STXBP5L: variants seen among roughly 807,000 people sequenced by gnomAD.
STXBP5L encodes syntaxin binding protein 5L, also known as syntaxin-binding protein 5-like.
STXBP5L carries 65 observed loss-of-function variants against 144.5 expected under a neutral mutation model. The ratio of observed to expected loss-of-function variants is 0.45; its 90% CI spans 0.37 to 0.55. The LOEUF is 0.55. STXBP5L is among the 20% of genes least tolerant of loss of function. The pLI, the probability that STXBP5L is intolerant of heterozygous loss-of-function variation, is 0.00. For synonymous variants in STXBP5L, 505 were observed against 469.6 expected, an observed-to-expected ratio of 1.08 and a Z score of -0.97; for missense variants, 1,298 against 1,405.5, an observed-to-expected ratio of 0.92 and a Z score of 1.22.
chr3:121,284,530 C>A (rs2051166694), intron 19 of STXBP5L, among the ~76,000 whole-genome samples: 2 of 152,062 alleles, frequency 1.3e-5, no homozygotes, highest in Non-Finnish European at 2.9e-5. Flanking sequence ...TTTCCAAATG[C>A]ATGACAAGAA....
At chr3:120,959,572 G>C (rs12495187) in intron 3 of STXBP5L, among the ~76,000 whole-genome samples, 3 of 152,038 alleles carry the variant, frequency 2.0e-5, no homozygotes, top group Non-Finnish European at 4.4e-5. Context: ...CAATGGAACA[G>C]AACAGAGGCC....
intron 2 of STXBP5L, among the ~76,000 whole-genome samples, chr3:120,940,634 G>T (rs1246794099): frequency 4.0e-5 from 5 of 124,740 alleles, no homozygotes; most frequent in African/African-American, 1.2e-4. Context: ...AGTCCTAGGG[G>T]TGGAAAAAAA....
chr3:121,362,241 T>A (rs2045732795), intron 20 of STXBP5L, among the ~76,000 whole-genome samples: 1 of 152,236 alleles, frequency 6.6e-6, no homozygotes, highest in South Asian at 2.1e-4. Context: ...GACCTAAATT[T>A]AGTGTAGCAC....
At chr3:121,060,372 G>A (rs144680620) in intron 5 of STXBP5L, among the ~76,000 whole-genome samples, 26 of 152,240 alleles carry the variant, frequency 1.7e-4, no homozygotes, top group Middle Eastern at 3.4e-3. Context: ...GACTTGGTTT[G>A]TCAGTATTTT....
intron 2 of STXBP5L, among the ~76,000 whole-genome samples, chr3:120,943,811 T>TTTC (rs916990315): frequency 2.0e-5 from 3 of 151,464 alleles, no homozygotes; most frequent in African/African-American, 4.8e-5. Context: ...AAACAACTGT[T>TTTC]TTCTTCTTCT....
intron 3 of STXBP5L, among the ~76,000 whole-genome samples, chr3:120,988,228 G>T (rs1325955848): frequency 6.6e-6 from 1 of 150,682 alleles, no homozygotes; most frequent in South Asian, 2.1e-4. Flanking sequence ...TTGGTGCTCT[G>T]TCTTTTGTAA....
chr3:121,211,455 C>T (rs934092184), intron 10 of STXBP5L, among the ~76,000 whole-genome samples: 18 of 152,078 alleles, frequency 1.2e-4, no homozygotes, highest in Non-Finnish European at 7.4e-5. Flanking sequence ...TCAGAACCTC[C>T]AACACTATGT....
At chr3:121,262,358 A>C (rs953450376) in intron 18 of STXBP5L, among the ~76,000 whole-genome samples, 1 of 152,238 alleles carries the variant, frequency 6.6e-6, no homozygotes, top group Non-Finnish European at 1.5e-5. Flanking sequence ...GGCTGGATGT[A>C]GTGGCTTACG....
At chr3:121,029,760 G>A (rs937724174) in intron 3 of STXBP5L, among the ~76,000 whole-genome samples, 7 of 151,720 alleles carry the variant, frequency 4.6e-5, no homozygotes, top group African/African-American at 1.7e-4. Flanking sequence ...CAGAATGGGA[G>A]AATTTTTTTT....
intron 5 of STXBP5L, among the ~76,000 whole-genome samples, chr3:121,087,492 C>T (rs1343898370): frequency 1.3e-5 from 2 of 151,840 alleles, no homozygotes; most frequent in Admixed American, 6.6e-5. Flanking sequence ...AATATAGTGT[C>T]TTCTTTCTAG....
At chr3:121,216,236 G>C (rs2048771643) in intron 10 of STXBP5L, among the ~76,000 whole-genome samples, 1 of 152,128 alleles carries the variant, frequency 6.6e-6, no homozygotes, top group African/African-American at 2.4e-5. Flanking sequence ...TTCCCTTGCT[G>C]GTGAGGAGTT....
chr3:121,233,819 G>A (rs918470919), intron 12 of STXBP5L, 131 bp downstream of exon 12: 1 of 675,846 alleles, frequency 1.5e-6, no homozygotes, highest in African/African-American at 1.9e-5. Flanking sequence ...ATGCACTTTG[G>A]TTCAATGGTG....
chr3:121,121,759 G>T, intron 7 of STXBP5L, 55 bp downstream of exon 7: 1 of 1,347,618 alleles, frequency 7.4e-7, no homozygotes, highest in Non-Finnish European at 1.0e-6. Flanking sequence ...CTTGAAAAAA[G>T]GTGTTTCTTA....
At chr3:121,230,085 G>A (rs2049255136) in intron 11 of STXBP5L, among the ~76,000 whole-genome samples, 2 of 152,062 alleles carry the variant, frequency 1.3e-5, no homozygotes, top group African/African-American at 4.8e-5. Context: ...AAAATTTATA[G>A]CTATTTATCC....
At chr3:121,066,467 C>T (rs1355420127) in intron 5 of STXBP5L, among the ~76,000 whole-genome samples, 1 of 151,340 alleles carries the variant, frequency 6.6e-6, no homozygotes, top group Non-Finnish European at 1.5e-5. Context: ...TTGAGATGAG[C>T]ATGTAATTTT....
At chr3:121,111,643 G>C (rs1032604723) in intron 5 of STXBP5L, among the ~76,000 whole-genome samples, 38 of 152,164 alleles carry the variant, frequency 2.5e-4, no homozygotes, top group Non-Finnish European at 4.7e-4. Context: ...TATTCCAGCA[G>C]GAATGGTCCT....
At chr3:121,175,857 T>TA (rs34893213) in intron 9 of STXBP5L, among the ~76,000 whole-genome samples, 18,588 of 140,302 alleles carry the variant, frequency 0.13, 1,202 homozygotes, top group Non-Finnish European at 0.15. Context: ...AAGTTGACAG[T>TA]AAAAAAAAAA....
chr3:121,029,330 G>A (rs558661331), intron 3 of STXBP5L, among the ~76,000 whole-genome samples: 2 of 152,190 alleles, frequency 1.3e-5, no homozygotes, highest in African/African-American at 4.8e-5. Flanking sequence ...TAACAAAACA[G>A]ATATATAGAC....
chr3:120,958,203 A>G (rs1207757621), intron 3 of STXBP5L, among the ~76,000 whole-genome samples: 1 of 152,142 alleles, frequency 6.6e-6, no homozygotes, highest in Non-Finnish European at 1.5e-5. Context: ...CCAAGACTAA[A>G]CCAGGAAGAA....
Sources: allele counts gnomAD v4.1 joint callset (sites outside exome capture counted in the v4.1 genomes callset), GRCh38; gene constraint gnomAD v4.1.1; transcripts MANE v1.5; gene names NCBI Gene and HGNC (gene_info 2026-07-23, HGNC 2026-07-21).